Variants in DPP10 observed in about 807,000 individuals in gnomAD.
DPP10 encodes the protein inactive dipeptidyl peptidase 10.
Under a neutral mutation model 120.9 loss-of-function variants are expected in DPP10, and 33 were observed. That is an observed-to-expected ratio of 0.27 (90% CI 0.21 to 0.37). The LOEUF is 0.37. Ranked by LOEUF, DPP10 falls within the 10% of genes least tolerant of loss-of-function variation. The pLI, the probability that DPP10 is intolerant of heterozygous loss-of-function variation, is 1.00. For synonymous variants in DPP10, 337 were observed against 326.1 expected (o/e 1.03, Z -0.36); for missense variants, 816 against 942.8 (o/e 0.87, Z 1.76).
intron 3 of DPP10, among the ~76,000 whole-genome samples, chr2:115,477,580 A>G (rs576501505): frequency 6.6e-6 from 1 of 152,304 alleles, no homozygotes; most frequent in Admixed American, 6.5e-5. Flanking sequence ...AATGTCCAAA[A>G]CAATATACAC....
intron 1 of DPP10, among the ~76,000 whole-genome samples, chr2:114,984,352 T>G (rs565689083): frequency 1.3e-5 from 2 of 152,282 alleles, no homozygotes; most frequent in South Asian, 4.1e-4. Flanking sequence ...GACTGCCGCC[T>G]TGGGTTCCAA....
At chr2:114,504,806 T>C (rs1987279) in intron 1 of DPP10, among the ~76,000 whole-genome samples, 103,950 of 151,944 alleles carry the variant, frequency 0.68, 35,701 homozygotes, top group Middle Eastern at 0.71. Context: ...GTAATCCCAG[T>C]GCTTTGGGAG....
At chr2:114,856,003 G>A (rs896200456) in intron 1 of DPP10, among the ~76,000 whole-genome samples, 2 of 149,202 alleles carry the variant, frequency 1.3e-5, no homozygotes, top group African/African-American at 2.4e-5. Flanking sequence ...TTGTCAAATA[G>A]TTTATATACA....
chr2:115,788,558 G>C (rs551162948), intron 17 of DPP10, among the ~76,000 whole-genome samples: 1 of 152,166 alleles, frequency 6.6e-6, no homozygotes, highest in Admixed American at 6.5e-5. Flanking sequence ...AAGAGATGAT[G>C]TTTATACAAA....
intron 19 of DPP10, 93 bp downstream of exon 19, chr2:115,791,449 A>T (rs770088740): frequency 1.3e-5 from 15 of 1,132,108 alleles, no homozygotes; most frequent in Non-Finnish European, 1.9e-5. Context: ...AAAGAAGAGA[A>T]GTCCTATGTG....
chr2:114,590,979 T>G (rs1018121219), intron 1 of DPP10, among the ~76,000 whole-genome samples: 2 of 151,948 alleles, frequency 1.3e-5, no homozygotes, highest in Non-Finnish European at 2.9e-5. Context: ...GTGATAAAGG[T>G]GGAATGAAGC....
intron 5 of DPP10, among the ~76,000 whole-genome samples, chr2:115,652,040 G>A (rs2149380487): frequency 6.6e-6 from 1 of 152,154 alleles, no homozygotes; most frequent in East Asian, 1.9e-4. Context: ...GACCTTATCT[G>A]TGATGTTGGA....
chr2:115,153,433 A>G (rs1461955240), intron 1 of DPP10, among the ~76,000 whole-genome samples: 1 of 152,170 alleles, frequency 6.6e-6, no homozygotes, highest in Non-Finnish European at 1.5e-5. Context: ...TTCCTTTCTT[A>G]AATATTTTGG....
At chr2:115,331,711 A>G (rs536463931) in intron 2 of DPP10, among the ~76,000 whole-genome samples, 1 of 152,112 alleles carries the variant, frequency 6.6e-6, no homozygotes, top group Non-Finnish European at 1.5e-5. Flanking sequence ...TTCTATTTAT[A>G]TGATGGATTA....
chr2:114,685,919 A>C (rs1299791977), intron 1 of DPP10, among the ~76,000 whole-genome samples: 2 of 151,982 alleles, frequency 1.3e-5, no homozygotes, highest in Non-Finnish European at 2.9e-5. Flanking sequence ...TTTCTAAGGC[A>C]TAAATATAGC....
intron 1 of DPP10, among the ~76,000 whole-genome samples, chr2:114,562,519 A>G (rs1456242884): frequency 2.0e-5 from 3 of 152,358 alleles, no homozygotes; most frequent in Non-Finnish European, 2.9e-5. Flanking sequence ...GGGAAAGTAG[A>G]TGCAATTCAA....
At chr2:115,138,352 T>A (rs1051643647) in intron 1 of DPP10, among the ~76,000 whole-genome samples, 1 of 152,204 alleles carries the variant, frequency 6.6e-6, no homozygotes, top group African/African-American at 2.4e-5. Context: ...AGAGCAGCAT[T>A]ATAAAGCATC....
chr2:114,713,797 C>T (rs1383288060), intron 1 of DPP10, among the ~76,000 whole-genome samples: 1 of 151,848 alleles, frequency 6.6e-6, no homozygotes, highest in Non-Finnish European at 1.5e-5. Context: ...ACCAGCCTGG[C>T]CAACATGGTG....
At chr2:115,019,076 AC>A (rs1475583264) in intron 1 of DPP10, among the ~76,000 whole-genome samples, 1 of 140,626 alleles carries the variant, frequency 7.1e-6, no homozygotes, top group Non-Finnish European at 1.6e-5. Context: ...CCATTCTCGC[AC>A]CCCCGCCCCT....
intron 5 of DPP10, among the ~76,000 whole-genome samples, chr2:115,625,557 T>C (rs2085293718): frequency 6.6e-6 from 1 of 152,068 alleles, no homozygotes; most frequent in African/African-American, 2.4e-5. Flanking sequence ...CAGTTGTTGA[T>C]AAAAGGATTA....
At chr2:115,092,917 A>T (rs150917966) in intron 1 of DPP10, among the ~76,000 whole-genome samples, 1 of 152,204 alleles carries the variant, frequency 6.6e-6, no homozygotes, top group Non-Finnish European at 1.5e-5. Flanking sequence ...TAGAGTGAGC[A>T]GTAAAAGAAA....
At chr2:115,714,371 AG>A (rs2092421591) in intron 7 of DPP10, among the ~76,000 whole-genome samples, 1 of 152,226 alleles carries the variant, frequency 6.6e-6, no homozygotes, top group African/African-American at 2.4e-5. Context: ...AAAAGATCTT[AG>A]GATCATGATT....
At chr2:115,223,193 G>A (rs2057263214) in intron 1 of DPP10, among the ~76,000 whole-genome samples, 1 of 152,082 alleles carries the variant, frequency 6.6e-6, no homozygotes, top group Non-Finnish European at 1.5e-5. Flanking sequence ...AGAGGGTTGA[G>A]CTATTTTAGC....
rs578185806 is a variant in DPP10 at position 114,473,558 on chromosome 2, T to G, written c.60+30720T>G. On this transcript the variant is annotated intron_variant, in intron 1 of 25. Coordinates refer to ENST00000410059, the MANE Select transcript of DPP10 (RefSeq NM_020868.6). ...TAACCTGAAGAAATGTAGATGTAGATGTAGGTTAAAGTGAGTTCATCACAG... is the reference window on the plus strand; with the variant it reads ...TAACCTGAAGAAATGTAGATGTAGAGGTAGGTTAAAGTGAGTTCATCACAG... Among the ~76,000 whole-genome samples, 3 of 152,310 alleles carry G rather than the reference T, an allele frequency of 2.0e-5. No homozygotes were observed. The East Asian group carries it at 5.8e-4, about 29-fold the overall frequency.
Sources: gnomAD v4.1 joint callset for allele counts (sites outside exome capture counted in the v4.1 genomes callset) on GRCh38, gnomAD v4.1.1 for gene constraint, MANE v1.5 for transcripts, NCBI Gene and HGNC (gene_info 2026-07-23, HGNC 2026-07-21) for gene names.